The following RERG variants were observed in gnomAD, a reference collection of about 807,000 sequenced individuals.
RERG encodes the protein ras-related and estrogen-regulated growth inhibitor.
Under a neutral mutation model 23.2 loss-of-function variants are expected in RERG, and 25 were observed. That is an observed-to-expected ratio of 1.08 (90% CI 0.79 to 1.50). The LOEUF is 1.50. RERG is among the 40% of genes most tolerant of loss of function. The pLI, the probability that RERG is intolerant of heterozygous loss-of-function variation, is 0.00. For synonymous variants in RERG, 81 were observed against 89.1 expected (o/e 0.91, Z 0.51); for missense variants, 253 against 250.1 (o/e 1.01, Z -0.08).
intron 2 of RERG, among the ~76,000 whole-genome samples, chr12:15,125,018 A>G (rs1863911606): frequency 6.6e-6 from 1 of 151,980 alleles, no homozygotes; most frequent in Non-Finnish European, 1.5e-5. Context: ...AATAATGAAA[A>G]CTTACTATGG....
At chr12:15,110,000 T>C (rs1863575949) in intron 4 of RERG, among the ~76,000 whole-genome samples, 1 of 152,222 alleles carries the variant, frequency 6.6e-6, no homozygotes, top group East Asian at 1.9e-4. Context: ...TTTCTCTTTC[T>C]TCAGATTATA....
At chr12:15,126,153 G>GTATATATATATATATATA (rs1565510626) in intron 2 of RERG, among the ~76,000 whole-genome samples, 1 of 125,056 alleles carries the variant, frequency 8.0e-6, no homozygotes, top group Non-Finnish European at 1.6e-5. Flanking sequence ...ATATATATAT[G>GTATATATATATATATATA]TATTTACACA....
intron 2 of RERG, among the ~76,000 whole-genome samples, chr12:15,190,822 G>A (rs879406354): frequency 6.6e-6 from 1 of 152,100 alleles, no homozygotes; most frequent in African/African-American, 2.4e-5. Context: ...AGTTTCTGTG[G>A]TCAGAAGTCC....
At chr12:15,192,677 T>C (rs1865088303) in intron 2 of RERG, among the ~76,000 whole-genome samples, 1 of 152,186 alleles carries the variant, frequency 6.6e-6, no homozygotes, top group African/African-American at 2.4e-5. Context: ...TTTTTCTCTT[T>C]CCAGTATATG....
At chr12:15,133,725 G>GTT (rs549271423) in intron 2 of RERG, among the ~76,000 whole-genome samples, 7,834 of 134,968 alleles carry the variant, frequency 0.058, 329 homozygotes, top group Non-Finnish European at 0.081. Context: ...TGACTGAGAG[G>GTT]TTTTTTTTTT....
intron 2 of RERG, among the ~76,000 whole-genome samples, chr12:15,130,952 G>A (rs1864035706): frequency 6.6e-6 from 1 of 152,098 alleles, no homozygotes; most frequent in South Asian, 2.1e-4. Flanking sequence ...TAAGGTAAAG[G>A]TTAATCTGAT....
chr12:15,191,365 T>C (rs909077586), intron 2 of RERG, among the ~76,000 whole-genome samples: 5 of 152,222 alleles, frequency 3.3e-5, no homozygotes, highest in African/African-American at 7.2e-5. Flanking sequence ...CTGAGACCTC[T>C]GAAATCTGTC....
chr12:15,161,198 GAAA>G (rs1864606396), intron 2 of RERG, among the ~76,000 whole-genome samples: 2 of 146,434 alleles, frequency 1.4e-5, no homozygotes, highest in African/African-American at 2.5e-5. Context: ...AAGAAAGAAA[GAAA>G]GAAAGAAAGA....
intron 3 of RERG, chr12:15,112,539 A>G (rs1485330829): frequency 2.0e-5 from 3 of 152,184 alleles, no homozygotes; most frequent in Non-Finnish European, 4.4e-5. Context: ...CCCTCTTCAC[A>G]TAAAATGGAA....
At chr12:15,118,704 C>T (rs1863776660) in intron 3 of RERG, among the ~76,000 whole-genome samples, 1 of 82,398 alleles carries the variant, frequency 1.2e-5, no homozygotes, top group African/African-American at 4.6e-5. Flanking sequence ...AAGTGTCTGG[C>T]ATGCCCCCCC....
At chr12:15,126,251 TA>T (rs1416047685) in intron 2 of RERG, among the ~76,000 whole-genome samples, 1 of 150,854 alleles carries the variant, frequency 6.6e-6, no homozygotes, top group Non-Finnish European at 1.5e-5. Context: ...AAGAAAAGAC[TA>T]AAAACCCTGG....
At chr12:15,204,048 TCTTACAGAAATAGAAAACGTAATTCTAA>T (rs1218255316) in intron 2 of RERG, among the ~76,000 whole-genome samples, 2 of 151,676 alleles carry the variant, frequency 1.3e-5, no homozygotes, top group East Asian at 3.9e-4. Context: ...AGTTTCTATT[TCTTACAGAAATAGAAAACGTAATTCTAA>T]AGTTTATATG....
Position 15,209,852 on chromosome 12 carries a change from G to A in RERG, c.61+7577C>T, listed in dbSNP as rs542991028. On this transcript the variant is annotated intron_variant, in intron 2 of 4. Transcript: ENST00000256953. Reference sequence around the variant, plus strand: ...AAAGCCTTGCATTGAGTCATAGACTGGAATGCTAGACTTGGCTCTAGCACC... The same window carrying A: ...AAAGCCTTGCATTGAGTCATAGACTAGAATGCTAGACTTGGCTCTAGCACC... Among the ~76,000 whole-genome samples the A allele has an allele frequency of 3.4e-4, 52 of 152,296 alleles. 2 individuals carry two copies. In the South Asian group the frequency reaches 0.011, roughly 31 times the overall value.
In RERG at chr12:15,111,373, A is replaced by T. The variant is rs1297842949; in HGVS notation, c.163T>A (p.Ser55Thr). 6.2e-7 allele frequency: 1 copy of T among 1,613,310 alleles called. No homozygotes were observed. Among genetic ancestry groups the T allele is most frequent in the Non-Finnish European group, 8.5e-7 (1 of 1,179,570 alleles). ...HQATIDDEVV[S>T]MEILDTAGQE... is the part of the protein sequence containing the mutation. ...CCAGCAGTGTCTAGTATCTCCATGGAAACAACTTCATCATCGATGGTTGCT... is the reference window on the plus strand; with the variant it reads ...CCAGCAGTGTCTAGTATCTCCATGGTAACAACTTCATCATCGATGGTTGCT... The change falls in exon 4 of 5, where the codon TCC (serine) becomes ACC (threonine). Residue 55 changes from serine (S) to threonine (T), a missense_variant. Physicochemically the swap from Ser to Thr is moderately conservative, Grantham distance 58 (BLOSUM62 1). Coordinates refer to ENST00000256953, the MANE Select transcript of RERG (RefSeq NM_032918.3).
At position 15,187,829 on chromosome 12, in the gene RERG, G is replaced by A. The variant is rs564011100; in HGVS notation, c.61+29600C>T. Among the ~76,000 whole-genome samples the A allele has an allele frequency of 2.2e-4, 33 of 152,140 alleles. No homozygotes were observed. The South Asian group carries it at 6.3e-3, about 29-fold the overall frequency. On this transcript the variant is annotated intron_variant, in intron 2 of 4. Transcript: ENST00000256953. The stretch of plus-strand genomic sequence containing the variant: ...CCGCCTCGGCCTCCCAAAGTGCTGG[G>A]ATTACAGGTGTGAACCACCGTGCCT...
intron 2 of RERG, among the ~76,000 whole-genome samples, chr12:15,150,229 T>A (rs866277826): frequency 2.0e-5 from 3 of 152,220 alleles, no homozygotes; most frequent in Non-Finnish European, 2.9e-5. Flanking sequence ...CAGTGTAAAC[T>A]GTGTAATATG....
chr12:15,182,305 G>A (rs1197922533), intron 2 of RERG, among the ~76,000 whole-genome samples: 1 of 152,020 alleles, frequency 6.6e-6, no homozygotes, highest in Non-Finnish European at 1.5e-5. Context: ...TGATCCGCCT[G>A]TCTCAGCCTC....
Position 15,212,538 on chromosome 12 carries a change from C to T in RERG, c.61+4891G>A, listed in dbSNP as rs570700141. On this transcript the variant is annotated intron_variant, in intron 2 of 4. Coordinates refer to ENST00000256953, the MANE Select transcript of RERG (RefSeq NM_032918.3). ...CATGATTATGAGATGCTTACACATC[C>T]CAAACCCCCTAGATTTTTCTTTCTC... Among the ~76,000 whole-genome samples the T allele has an allele frequency of 1.8e-3, 280 of 152,140 alleles. 1 individual carries two copies. The highest frequency in any genetic ancestry group is 6.6e-3 in the African/African-American group (272 of 41,524).
chr12:15,146,364 T>C (rs1051085478), intron 2 of RERG, among the ~76,000 whole-genome samples: 1 of 152,202 alleles, frequency 6.6e-6, no homozygotes, highest in African/African-American at 2.4e-5. Context: ...TGGTCTGGGA[T>C]AGCCATATTT....
Sources: allele counts gnomAD v4.1 joint callset (sites outside exome capture counted in the v4.1 genomes callset), GRCh38; gene constraint gnomAD v4.1.1; transcripts MANE v1.5; gene names NCBI Gene and HGNC (gene_info 2026-07-23, HGNC 2026-07-21).